Variants in NFAT5 observed in about 807,000 individuals in gnomAD.
NFAT5 encodes nuclear factor of activated T-cells 5.
A neutral mutation model predicts 166.5 loss-of-function variants in NFAT5; 31 were observed. That is an observed-to-expected ratio of 0.19 (90% CI 0.14 to 0.25). The LOEUF is 0.25. NFAT5 is among the 10% of genes least tolerant of loss of function. The pLI is 1.00. For missense variants in NFAT5, 1,449 were observed against 1,821.8 expected (o/e 0.80, Z 3.72); for synonymous variants, 612 against 639.7 (o/e 0.96, Z 0.65).
intron 7 of NFAT5, among the ~76,000 whole-genome samples, chr16:69,667,548 G>A (rs1056187036): frequency 3.4e-5 from 5 of 149,138 alleles, no homozygotes; most frequent in African/African-American, 1.2e-4. Context: ...ATGTAAATAC[G>A]AATATGTAGA....
intron 11 of NFAT5, among the ~76,000 whole-genome samples, chr16:69,686,630 G>A (rs145215842): frequency 2.0e-4 from 30 of 152,262 alleles, no homozygotes; most frequent in African/African-American, 6.5e-4. Context: ...TTGTGGGGCT[G>A]AGGTGATTGG....
chr16:69,669,172 G>C (rs2036525523), intron 7 of NFAT5, among the ~76,000 whole-genome samples: 1 of 152,294 alleles, frequency 6.6e-6, no homozygotes, highest in East Asian at 1.9e-4. Flanking sequence ...TGGGATTACA[G>C]GTGTGAACCA....
At chr16:69,689,764 C>T (rs1597564630) in intron 11 of NFAT5, among the ~76,000 whole-genome samples, 1 of 152,252 alleles carries the variant, frequency 6.6e-6, no homozygotes, top group East Asian at 1.9e-4. Context: ...AGGCTGGTCT[C>T]GAACTGCTGG....
intron 2 of NFAT5, among the ~76,000 whole-genome samples, chr16:69,605,840 A>C (rs939025901): frequency 1.3e-5 from 2 of 151,962 alleles, no homozygotes; most frequent in African/African-American, 4.8e-5. Flanking sequence ...CAGCCTCCCA[A>C]GTAGCTGGGA....
chr16:69,580,600 C>T (rs2031612087), intron 2 of NFAT5, among the ~76,000 whole-genome samples: 1 of 151,852 alleles, frequency 6.6e-6, no homozygotes, highest in Non-Finnish European at 1.5e-5. Context: ...CAAATCCAAA[C>T]TTATCACTTG....
intron 3 of NFAT5, among the ~76,000 whole-genome samples, chr16:69,630,339 G>GT (rs1359518009): frequency 2.6e-5 from 4 of 151,750 alleles, no homozygotes; most frequent in Non-Finnish European, 5.9e-5. Context: ...GCCCTGGATT[G>GT]TTTTTTTAAT....
At chr16:69,682,515 G>C (rs1480245453) in intron 10 of NFAT5, among the ~76,000 whole-genome samples, 1 of 151,930 alleles carries the variant, frequency 6.6e-6, no homozygotes, top group African/African-American at 2.4e-5. Context: ...AGCTACTTGG[G>C]AGGCTGAGGT....
intron 4 of NFAT5, chr16:69,648,255 C>G (rs2035528507): frequency 2.0e-6 from 2 of 984,714 alleles, no homozygotes; most frequent in South Asian, 9.4e-5. Context: ...CAAACAGTCA[C>G]TAAGAGCTAT....
chr16:69,653,711 TAC>T (rs1404136712), intron 5 of NFAT5, among the ~76,000 whole-genome samples: 1 of 152,006 alleles, frequency 6.6e-6, no homozygotes, highest in Non-Finnish European at 1.5e-5. Context: ...TAGCTGGGAC[TAC>T]AGGTGTGTGC....
chr16:69,664,790 G>A (rs979199339), intron 7 of NFAT5, among the ~76,000 whole-genome samples: 1 of 152,180 alleles, frequency 6.6e-6, no homozygotes, highest in African/African-American at 2.4e-5. Context: ...CACTTTGGGA[G>A]GCCAAGGTGG....
chr16:69,636,592 C>T (rs1351644621), intron 3 of NFAT5, among the ~76,000 whole-genome samples: 1 of 152,192 alleles, frequency 6.6e-6, no homozygotes, highest in African/African-American at 2.4e-5. Flanking sequence ...CTTCTGTGCA[C>T]CCACAGGCTC....
At chr16:69,597,010 C>A (rs1005735449) in intron 2 of NFAT5, among the ~76,000 whole-genome samples, 6 of 152,018 alleles carry the variant, frequency 3.9e-5, no homozygotes, top group African/African-American at 1.5e-4. Context: ...GGTGAACTTG[C>A]TATCAAAATC....
intron 3 of NFAT5, among the ~76,000 whole-genome samples, chr16:69,636,436 T>G (rs1284781960): frequency 6.6e-6 from 1 of 152,010 alleles, no homozygotes; most frequent in Non-Finnish European, 1.5e-5. Context: ...CTGTGTGGGG[T>G]CTCCAACCCC....
chr16:69,582,359 T>G (rs2031756900), intron 2 of NFAT5, among the ~76,000 whole-genome samples: 1 of 152,112 alleles, frequency 6.6e-6, no homozygotes, highest in Admixed American at 6.6e-5. Context: ...CACAAATATT[T>G]TAATTTTGGT....
intron 3 of NFAT5, among the ~76,000 whole-genome samples, chr16:69,641,425 A>G (rs2035210400): frequency 6.6e-6 from 1 of 151,724 alleles, no homozygotes; most frequent in Non-Finnish European, 1.5e-5. Flanking sequence ...TTTTTAAACT[A>G]GCTTTTTTAG....
intron 2 of NFAT5, among the ~76,000 whole-genome samples, chr16:69,614,527 A>G (rs550674257): frequency 2.0e-5 from 3 of 152,290 alleles, no homozygotes; most frequent in Admixed American, 6.5e-5. Context: ...GAACCTACAA[A>G]AGAGTTGTGA....
At chr16:69,571,823 GA>G (rs1307379562) in intron 2 of NFAT5, among the ~76,000 whole-genome samples, 1 of 151,816 alleles carries the variant, frequency 6.6e-6, no homozygotes, top group Non-Finnish European at 1.5e-5. Flanking sequence ...GCAGTGGCAC[GA>G]TCTCGGCTCA....
chr16:69,626,268 A>G, intron 2 of NFAT5, 135 bp from the exon 3 acceptor site: 1 of 758,200 alleles, frequency 1.3e-6, no homozygotes, highest in Non-Finnish European at 1.9e-6. Flanking sequence ...AGCTCTTTAC[A>G]TTAATTTTGT....
intron 11 of NFAT5, chr16:69,685,715 T>G (rs569159197): frequency 6.6e-6 from 1 of 152,258 alleles, no homozygotes; most frequent in East Asian, 1.9e-4. Context: ...TGAACAGATA[T>G]GGGCAGCACA....
Sources: allele counts gnomAD v4.1 joint callset (sites outside exome capture counted in the v4.1 genomes callset), GRCh38; gene constraint gnomAD v4.1.1; transcripts MANE v1.5; gene names NCBI Gene and HGNC (gene_info 2026-07-23, HGNC 2026-07-21).